The following RAP1B variants were observed in gnomAD, a reference collection of about 807,000 sequenced individuals.
RAP1B encodes the protein RAP1B, member of RAS oncogene family, also known as ras-related protein Rap-1b.
A neutral mutation model predicts 27.5 loss-of-function variants in RAP1B; 1 was observed. The ratio of observed to expected loss-of-function variants is 0.04; its 90% CI spans 0.01 to 0.17. The LOEUF (loss-of-function observed/expected upper bound fraction) is 0.17. Ranked by LOEUF, RAP1B falls within the 10% of genes least tolerant of loss-of-function variation. The pLI is 1.00. For missense variants in RAP1B, 84 were observed against 214.8 expected, an observed-to-expected ratio of 0.39 and a Z score of 3.81; for synonymous variants, 75 against 73.1, an observed-to-expected ratio of 1.03 and a Z score of -0.13.
chr12:68,627,105 G>T, intron 1 of RAP1B: 2 of 1,590,826 alleles, frequency 1.3e-6, no homozygotes, highest in South Asian at 2.2e-5. Context: ...GGTGTGAATG[G>T]AGATGATAAC....
intron 1 of RAP1B, among the ~76,000 whole-genome samples, chr12:68,637,340 G>GTAAA (rs1455434484): frequency 6.6e-6 from 1 of 152,102 alleles, no homozygotes; most frequent in Non-Finnish European, 1.5e-5. Flanking sequence ...GCTCACGCCT[G>GTAAA]TAATCCCAGC....
At chr12:68,613,188 C>T (rs1870730455) in intron 1 of RAP1B, among the ~76,000 whole-genome samples, 2 of 151,978 alleles carry the variant, frequency 1.3e-5, no homozygotes, top group Non-Finnish European at 2.9e-5. Flanking sequence ...GGTGAAACCC[C>T]GTCTTTACTA....
intron 1 of RAP1B, among the ~76,000 whole-genome samples, chr12:68,644,686 C>CTTTTT (rs535569981): frequency 2.7e-5 from 3 of 109,116 alleles, no homozygotes; most frequent in Non-Finnish European, 3.6e-5. Flanking sequence ...TTAAAAGTTA[C>CTTTTT]TTTTTTTTTT....
intron 5 of RAP1B, among the ~76,000 whole-genome samples, chr12:68,655,992 T>C (rs1874178197): frequency 6.6e-6 from 1 of 152,160 alleles, no homozygotes. Context: ...GTGTCTTATT[T>C]ATGTCTACAT....
chr12:68,615,725 A>G (rs924176399), intron 1 of RAP1B, among the ~76,000 whole-genome samples: 1 of 152,170 alleles, frequency 6.6e-6, no homozygotes, highest in African/African-American at 2.4e-5. Flanking sequence ...ACCATTTCCT[A>G]AAGCTTACTT....
chr12:68,622,337 G>T (rs902065192), intron 1 of RAP1B, among the ~76,000 whole-genome samples: 13 of 152,134 alleles, frequency 8.5e-5, no homozygotes, highest in Non-Finnish European at 2.9e-5. Context: ...AGAATACAAA[G>T]TGACCTTTTT....
intron 1 of RAP1B, among the ~76,000 whole-genome samples, chr12:68,625,733 G>A (rs1268741924): frequency 1.3e-5 from 2 of 152,052 alleles, no homozygotes; most frequent in Non-Finnish European, 2.9e-5. Context: ...ATCCTGGCCA[G>A]CATGGTGAAA....
At chr12:68,618,935 C>G (rs1428277049) in intron 1 of RAP1B, among the ~76,000 whole-genome samples, 1 of 151,972 alleles carries the variant, frequency 6.6e-6, no homozygotes, top group Non-Finnish European at 1.5e-5. Context: ...TAGTGAGAGC[C>G]TGTCTCTCCT....
intron 5 of RAP1B, 142 bp downstream of exon 5, chr12:68,654,394 C>G: frequency 3.3e-6 from 2 of 607,892 alleles, no homozygotes; most frequent in South Asian, 4.7e-5. Flanking sequence ...CCTTGAAAGG[C>G]AAAAATACCC....
rs1238041276 is a variant in RAP1B, at chr12:68,654,248, A to T, written c.320A>T (p.Asp107Val). The change falls in exon 5 of 8, where the codon GAT (aspartate) becomes GTT (valine). Residue 107 changes from aspartate to valine, a missense_variant. Coordinates refer to ENST00000250559, the MANE Select transcript of RAP1B (RefSeq NM_001010942.3). ...REQILRVKDT[D>V]DVPMILVGNK... ...CAGATTCTTCGAGTTAAAGACACTG[A>T]TGATGTAAGCTGACTTCCAAATAAA... 7 of 1,581,066 alleles carry T rather than the reference A, an allele frequency of 4.4e-6. No homozygotes were observed. Among genetic ancestry groups the T allele is most frequent in the Non-Finnish European group, 6.0e-6 (7 of 1,160,064 alleles).
chr12:68,639,665 G>A (rs1872859558), intron 1 of RAP1B, among the ~76,000 whole-genome samples: 1 of 152,090 alleles, frequency 6.6e-6, no homozygotes, highest in Admixed American at 6.6e-5. Flanking sequence ...GCTGGCACAG[G>A]AACTCACCAA....
At chr12:68,621,280 A>T (rs371150859) in intron 1 of RAP1B, among the ~76,000 whole-genome samples, 1 of 152,206 alleles carries the variant, frequency 6.6e-6, no homozygotes, top group East Asian at 1.9e-4. Flanking sequence ...TGTTCTAGCA[A>T]TTCTGAATTA....
At chr12:68,658,831 G>A (rs965296849) in intron 7 of RAP1B, among the ~76,000 whole-genome samples, 1 of 152,142 alleles carries the variant, frequency 6.6e-6, no homozygotes. Context: ...TAGAAACCTT[G>A]GTTAGATGTG....
Position 68,663,492 on chromosome 12 carries a change from G to T in RAP1B, c.*4243G>T, listed in dbSNP as rs1392216312. The T allele has an allele frequency of 6.6e-6, 1 of 152,170 alleles. No homozygotes were observed. The highest frequency in any genetic ancestry group is 1.5e-5 in the Non-Finnish European group (1 of 68,030). 9.4% of individuals were successfully genotyped at this position (152,170 alleles called of 1,614,324 possible). ...ATGAGTCTGTGTTGGGATACCTGTT[G>T]AAACAAGACTACTAAACAGATTAAT... On this transcript the variant is annotated 3_prime_UTR_variant, in exon 8 of 8. Transcript: ENST00000250559.
At chr12:68,623,761 G>A (rs954368345) in intron 1 of RAP1B, among the ~76,000 whole-genome samples, 3 of 152,180 alleles carry the variant, frequency 2.0e-5, no homozygotes, top group Non-Finnish European at 4.4e-5. Flanking sequence ...AGTGGCTCAC[G>A]CCTGTAATCC....
intron 1 of RAP1B, among the ~76,000 whole-genome samples, chr12:68,625,175 G>T (rs1201616642): frequency 2.0e-5 from 3 of 152,210 alleles, no homozygotes; most frequent in Non-Finnish European, 4.4e-5. Flanking sequence ...GTAATTAAGT[G>T]TTTATTCATA....
At chr12:68,658,270 A>G (rs1046351964) in intron 7 of RAP1B, among the ~76,000 whole-genome samples, 6 of 152,128 alleles carry the variant, frequency 3.9e-5, no homozygotes, top group African/African-American at 9.7e-5. Flanking sequence ...TTAGTGGTAT[A>G]TCCTCTCATT....
At chr12:68,627,059 C>T (rs1871845626) in intron 1 of RAP1B, 10 of 1,593,960 alleles carry the variant, frequency 6.3e-6, no homozygotes, top group Non-Finnish European at 5.1e-6. Flanking sequence ...TGGCCCTGCG[C>T]AGGGCCTCAA....
At chr12:68,621,349 CACTG>C (rs1197402777) in intron 1 of RAP1B, 5 of 152,304 alleles carry the variant, frequency 3.3e-5, no homozygotes, top group Middle Eastern at 3.4e-3. Context: ...ACAAGGTTGT[CACTG>C]ACTATTATTT....
Sources: allele counts gnomAD v4.1 joint callset (sites outside exome capture counted in the v4.1 genomes callset), GRCh38; gene constraint gnomAD v4.1.1; transcripts MANE v1.5; gene names NCBI Gene and HGNC (gene_info 2026-07-23, HGNC 2026-07-21).